C12orf42: variants seen among roughly 807,000 people sequenced by gnomAD.
C12orf42 encodes the protein uncharacterized protein C12orf42.
A neutral mutation model predicts 21.6 loss-of-function variants in C12orf42; 25 were observed. The observed-to-expected ratio is 1.16, with a 90% confidence interval of 0.84 to 1.62. The LOEUF (loss-of-function observed/expected upper bound fraction) is 1.62. Ranked by LOEUF, C12orf42 falls within the 40% of genes most tolerant of loss-of-function variation. The probability of loss-of-function intolerance (pLI) is 0.00; values close to 1 mark genes in which losing one functional copy is unlikely to be tolerated. For synonymous variants in C12orf42, 174 were observed against 175.0 expected (o/e 0.99, Z 0.05); for missense variants, 483 against 459.3 (o/e 1.05, Z -0.47).
intron 3 of C12orf42, among the ~76,000 whole-genome samples, chr12:103,392,208 ACT>A (rs2047143864): frequency 1.3e-5 from 2 of 152,106 alleles, no homozygotes; most frequent in African/African-American, 4.8e-5. Context: ...CCAGTACCAC[ACT>A]GTTTTTATTA....
At chr12:103,454,002 C>T (rs1050292167) in intron 2 of C12orf42, among the ~76,000 whole-genome samples, 1 of 152,078 alleles carries the variant, frequency 6.6e-6, no homozygotes, top group Non-Finnish European at 1.5e-5. Context: ...TCTCATCTAA[C>T]CACCCTACCA....
downstream of C12orf42, among the ~76,000 whole-genome samples, chr12:103,234,246 G>C (rs560184067): frequency 2.3e-4 from 35 of 152,044 alleles, no homozygotes; most frequent in African/African-American, 8.2e-4. Context: ...TATATGATAT[G>C]GTCCATCTAT....
At chr12:103,492,523 G>C (rs1415092888) in intron 1 of C12orf42, among the ~76,000 whole-genome samples, 2 of 152,114 alleles carry the variant, frequency 1.3e-5, no homozygotes, top group African/African-American at 4.8e-5. Context: ...GTGTTTCATA[G>C]ACTTCTACTT....
chr12:103,198,297 A>C, the C12orf42 span, among the ~76,000 whole-genome samples: 1 of 152,276 alleles, frequency 6.6e-6, no homozygotes, highest in South Asian at 2.1e-4. Context: ...CTGCCAGAGA[A>C]GGAGCTATGA....
the C12orf42 span, among the ~76,000 whole-genome samples, chr12:103,135,269 A>G: frequency 6.6e-6 from 1 of 152,140 alleles, no homozygotes; most frequent in Non-Finnish European, 1.5e-5. Context: ...AGCCTGGGCA[A>G]CATGGCAAAA....
At chr12:103,463,240 C>T (rs1262696558) in intron 2 of C12orf42, among the ~76,000 whole-genome samples, 1 of 152,134 alleles carries the variant, frequency 6.6e-6, no homozygotes, top group Non-Finnish European at 1.5e-5. Flanking sequence ...AATCTGAACC[C>T]TTCCTCTTCT....
the C12orf42 span, among the ~76,000 whole-genome samples, chr12:103,554,075 C>G: frequency 2.6e-5 from 4 of 152,066 alleles, no homozygotes; most frequent in Admixed American, 1.3e-4. Context: ...TATAAAGAAC[C>G]AGAGAGGAAA....
At chr12:103,483,445 C>A (rs557350680) in intron 1 of C12orf42, among the ~76,000 whole-genome samples, 29 of 152,062 alleles carry the variant, frequency 1.9e-4, no homozygotes, top group Non-Finnish European at 3.4e-4. Context: ...AGGATCCAGC[C>A]TCAGGCCATT....
the C12orf42 span, among the ~76,000 whole-genome samples, chr12:103,533,037 C>T: frequency 6.6e-6 from 1 of 152,198 alleles, no homozygotes; most frequent in East Asian, 1.9e-4. Flanking sequence ...GAATATGATT[C>T]CTTTCAGACT....
chr12:103,563,031 T>C, the C12orf42 span, among the ~76,000 whole-genome samples: 1 of 152,260 alleles, frequency 6.6e-6, no homozygotes, highest in Non-Finnish European at 1.5e-5. Flanking sequence ...TTGGATTCGC[T>C]TGATGAATAA....
the C12orf42 span, among the ~76,000 whole-genome samples, chr12:103,214,922 A>G: frequency 6.6e-6 from 1 of 152,150 alleles, no homozygotes; most frequent in Non-Finnish European, 1.5e-5. Flanking sequence ...TTGTCCAAAT[A>G]GTTTTCCTTC....
chr12:103,490,879 C>T (rs12312007), intron 1 of C12orf42, among the ~76,000 whole-genome samples: 1,525 of 151,858 alleles, frequency 0.01, 19 homozygotes, highest in African/African-American at 0.033. Flanking sequence ...TCCTAGAATT[C>T]CTAATATTAA....
chr12:103,071,965 G>C, the C12orf42 span, among the ~76,000 whole-genome samples: 1 of 152,236 alleles, frequency 6.6e-6, no homozygotes, highest in Admixed American at 6.5e-5. Flanking sequence ...TGTTTCTTGG[G>C]TCCAAACAGT....
At chr12:103,542,646 C>T in the C12orf42 span, among the ~76,000 whole-genome samples, 1 of 152,222 alleles carries the variant, frequency 6.6e-6, no homozygotes, top group Non-Finnish European at 1.5e-5. Context: ...AAGAAGCCCT[C>T]CTGAATTGCT....
At chr12:103,067,713 G>T in the C12orf42 span, among the ~76,000 whole-genome samples, 1 of 152,206 alleles carries the variant, frequency 6.6e-6, no homozygotes. Context: ...TCGTTCCAGA[G>T]GAAGGAACAC....
intron 10 of C12orf42, among the ~76,000 whole-genome samples, chr12:103,246,136 G>T (rs1486717400): frequency 6.6e-6 from 1 of 152,088 alleles, no homozygotes; most frequent in South Asian, 2.1e-4. Context: ...TTGCCAATTT[G>T]GTTCCAACTT....
At chr12:103,251,824 A>T (rs2034320099) in intron 10 of C12orf42, among the ~76,000 whole-genome samples, 2 of 152,212 alleles carry the variant, frequency 1.3e-5, no homozygotes, top group Non-Finnish European at 2.9e-5. Context: ...ACTAGATCAG[A>T]CACTATATAT....
intron 5 of C12orf42, chr12:103,273,992 C>T (rs919832916): frequency 1.8e-5 from 8 of 452,388 alleles, no homozygotes; most frequent in African/African-American, 1.6e-4. Context: ...CAAGAGCACT[C>T]CTATTGCCCT....
At chr12:103,188,515 T>C in the C12orf42 span, among the ~76,000 whole-genome samples, 4 of 152,210 alleles carry the variant, frequency 2.6e-5, no homozygotes, top group Non-Finnish European at 5.9e-5. Flanking sequence ...ATATTTTTCC[T>C]CTCCAAATCT....
Sources: allele counts gnomAD v4.1 joint callset (sites outside exome capture counted in the v4.1 genomes callset), GRCh38; gene constraint gnomAD v4.1.1; transcripts MANE v1.5; gene names NCBI Gene and HGNC (gene_info 2026-07-23, HGNC 2026-07-21).